Variants in DNM1 observed in about 807,000 individuals in gnomAD.
DNM1 encodes the protein dynamin 1, also known as dynamin-1.
Under a neutral mutation model 104.6 loss-of-function variants are expected in DNM1, and 29 were observed. The ratio of observed to expected loss-of-function variants is 0.28; its 90% CI spans 0.21 to 0.38. The LOEUF (loss-of-function observed/expected upper bound fraction) is 0.38, where lower values mean the gene tolerates loss of function less well. DNM1 is among the 10% of genes least tolerant of loss of function. The pLI is 1.00. For synonymous variants in DNM1, 445 were observed against 475.8 expected (o/e 0.94, Z 0.84); for missense variants, 640 against 1,189.4 (o/e 0.54, Z 6.79).
intron 1 of DNM1, among the ~76,000 whole-genome samples, chr9:128,207,149 G>C (rs780378377): frequency 6.6e-6 from 1 of 152,098 alleles, no homozygotes; most frequent in African/African-American, 2.4e-5. Context: ...GAAGAGTAAG[G>C]AGGAGCAGAC....
intron 19 of DNM1, among the ~76,000 whole-genome samples, chr9:128,249,061 C>T (rs1027218468): frequency 6.6e-6 from 1 of 151,702 alleles, no homozygotes; most frequent in Non-Finnish European, 1.5e-5. Flanking sequence ...GGTGTGGTAG[C>T]GTGAGCCTGT....
Position 128,253,110 on chromosome 9 carries a change from C to G in DNM1, c.2535-1544C>G. The G allele has an allele frequency of 6.2e-7, 1 of 1,609,922 alleles. No individual in the cohort carries two copies. The highest frequency in any genetic ancestry group is 8.5e-7 in the Non-Finnish European group (1 of 1,179,966). On this transcript the variant is annotated intron_variant, in intron 21 of 21. Coordinates refer to ENST00000372923, the MANE Select transcript of DNM1 (RefSeq NM_004408.4). The surrounding 1 kb of genome is among the most constrained non-coding windows in gnomAD (Gnocchi z 5.9). ...TCGTGCTGTCTTTCAGAATCACTAT[C>G]AGTGACCCCTGAGGAGCGTCAGCCA...
intron 10 of DNM1, among the ~76,000 whole-genome samples, chr9:128,230,456 A>ATT (rs571899226): frequency 1.4e-5 from 2 of 140,928 alleles, no homozygotes; most frequent in African/African-American, 2.7e-5. Flanking sequence ...TATTATTACT[A>ATT]TTTTTTTTTT....
chr9:128,246,790 T>C (rs996337142), intron 16 of DNM1: 15 of 432,296 alleles, frequency 3.5e-5, no homozygotes, highest in African/African-American at 3.1e-4. Flanking sequence ...CTTCCTTCCA[T>C]TCTCCCCTTC....
chr9:128,214,625 C>A (rs1286801153), intron 1 of DNM1, among the ~76,000 whole-genome samples: 1 of 152,156 alleles, frequency 6.6e-6, no homozygotes, highest in East Asian at 1.9e-4. Context: ...GGTGACAACT[C>A]CAGTTCAGAC....
chr9:128,254,333 C>G lies in DNM1; in HGVS notation c.2535-321C>G, dbSNP rs1261794393. On this transcript the variant is annotated intron_variant, in intron 21 of 21. Coordinates refer to ENST00000372923, the MANE Select transcript of DNM1 (RefSeq NM_004408.4). The surrounding 1 kb of genome is among the most constrained non-coding windows in gnomAD (Gnocchi z 6.1). ...AGGGTGACCAGAGAAGAGGGAAGCC[C>G]GAGGGGGCCGAGCATCAGCCTGAAT... 1 of 1,403,016 alleles carries G rather than the reference C, an allele frequency of 7.1e-7. No homozygotes were observed. The highest frequency in any genetic ancestry group is 2.8e-5 in the East Asian group (1 of 36,130). The allele number at this position is 1,403,016 out of a possible 1,614,324, so 86.9% of individuals were successfully genotyped here. A position where few individuals can be genotyped will look rare whatever the true frequency, so the allele number is the denominator to read the frequency against.
chr9:128,242,041 G>A (rs1836400974), intron 14 of DNM1, among the ~76,000 whole-genome samples, 191 bp from the exon 15 acceptor site: 1 of 152,178 alleles, frequency 6.6e-6, no homozygotes, highest in Non-Finnish European at 1.5e-5. Context: ...GCTGATCTCT[G>A]CCTTCCTCTG....
chr9:128,241,375 C>T (rs935343060), intron 14 of DNM1, among the ~76,000 whole-genome samples: 1 of 152,192 alleles, frequency 6.6e-6, no homozygotes, highest in Non-Finnish European at 1.5e-5. Flanking sequence ...TCTGGACAGT[C>T]CTGGGGACAG....
intron 1 of DNM1, among the ~76,000 whole-genome samples, chr9:128,208,154 A>G (rs545030308): frequency 1.3e-5 from 2 of 151,932 alleles, no homozygotes; most frequent in South Asian, 4.2e-4. Flanking sequence ...CCACCTCCCA[A>G]GTTCAAGTGA....
Position 128,203,533 on chromosome 9 carries a change from T to C in DNM1, c.63T>C (p.Ser21=). Reference sequence around the variant, plus strand: ...TCAACCGGCTGCAAGACGCCTTCTCTGCCATCGGCCAGAACGCGGACCTCG... The same window carrying C: ...TCAACCGGCTGCAAGACGCCTTCTCCGCCATCGGCCAGAACGCGGACCTCG... ...PLVNRLQDAF[S]AIGQNADLDL... The change falls in exon 1 of 22, where the codon TCT becomes TCC. Residue 21 remains serine, a synonymous_variant. Transcript: ENST00000372923. The surrounding 1 kb of genome is among the most constrained non-coding windows in gnomAD (Gnocchi z 5.3). 3 of 1,544,836 alleles carry C rather than the reference T, an allele frequency of 1.9e-6. No individual in the cohort carries two copies. Among genetic ancestry groups the C allele is most frequent in the Non-Finnish European group, 2.6e-6 (3 of 1,148,760 alleles).
In DNM1 at chr9:128,203,404, G is replaced by T; in HGVS notation, c.-67G>T. 3 of 1,334,362 alleles carry T rather than the reference G, an allele frequency of 2.2e-6. No homozygotes were observed. The highest frequency in any genetic ancestry group is 1.8e-5 in the South Asian group (1 of 56,278). 82.7% of individuals were successfully genotyped at this position (1,334,362 alleles called of 1,614,324 possible). A position where few individuals can be genotyped will look rare whatever the true frequency, so the allele number is the denominator to read the frequency against. ...AGTCTGGGCGCGCGGCTGCAGCGGC[G>T]GAGCCGGAGTCGGAGCCGGGAGCGC... On this transcript the variant is annotated 5_prime_UTR_variant, in exon 1 of 22. Coordinates refer to ENST00000372923, the MANE Select transcript of DNM1 (RefSeq NM_004408.4). The surrounding 1 kb of genome is among the most constrained non-coding windows in gnomAD (Gnocchi z 5.3).
At chr9:128,229,370 T>C (rs2131204498) in intron 10 of DNM1, among the ~76,000 whole-genome samples, 2 of 149,512 alleles carry the variant, frequency 1.3e-5, no homozygotes, top group South Asian at 4.2e-4. Context: ...AGACCCTGTC[T>C]CTAAAATAAA....
chr9:128,244,334 G>A (rs1836611598), intron 15 of DNM1, among the ~76,000 whole-genome samples: 1 of 151,938 alleles, frequency 6.6e-6, no homozygotes. Flanking sequence ...TGAGTTCTGG[G>A]GCTGTGAGTG....
intron 20 of DNM1, 53 bp downstream of exon 20, chr9:128,250,409 G>T: frequency 6.6e-7 from 1 of 1,504,058 alleles, no homozygotes; most frequent in East Asian, 2.5e-5. Flanking sequence ...GGGCCCGCGG[G>T]AGGAATGCCG....
At chr9:128,233,018 G>A (rs1032041520) in intron 10 of DNM1, among the ~76,000 whole-genome samples, 2 of 152,228 alleles carry the variant, frequency 1.3e-5, no homozygotes, top group African/African-American at 4.8e-5. Flanking sequence ...CAGCTCTCAA[G>A]CAGTCGGGGC....
chr9:128,215,488 G>A (rs1244713087), intron 1 of DNM1, among the ~76,000 whole-genome samples: 1 of 152,250 alleles, frequency 6.6e-6, no homozygotes, highest in Non-Finnish European at 1.5e-5. Flanking sequence ...GGCACCAGGA[G>A]ATCTTGGCTC....
chr9:128,208,138 C>A (rs574162773), intron 1 of DNM1, among the ~76,000 whole-genome samples: 124 of 152,150 alleles, frequency 8.1e-4, no homozygotes, highest in African/African-American at 2.7e-3. Flanking sequence ...CAGCTCACTG[C>A]AACCTCCACC....
intron 20 of DNM1, 132 bp downstream of exon 20, chr9:128,250,488 A>AGGGCGGGGCTTGTCGCG: frequency 8.9e-7 from 1 of 1,119,194 alleles, no homozygotes; most frequent in Non-Finnish European, 1.2e-6. Flanking sequence ...GAGCTTAGAG[A>AGGGCGGGGCTTGTCGCG]GGGCGGGGCT....
chr9:128,246,733 T>TTCCTTCCTTCCA (rs1836845468), intron 16 of DNM1, among the ~76,000 whole-genome samples: 1 of 138,770 alleles, frequency 7.2e-6, no homozygotes, highest in South Asian at 2.4e-4. Context: ...CCTTCCTCCC[T>TTCCTTCCTTCCA]TCCTTCCTTC....
Sources: allele counts gnomAD v4.1 joint callset (sites outside exome capture counted in the v4.1 genomes callset), GRCh38; gene constraint gnomAD v4.1.1; non-coding constraint Gnocchi (gnomAD v3.1); transcripts MANE v1.5; gene names NCBI Gene and HGNC (gene_info 2026-07-23, HGNC 2026-07-21).